The following DISC1 variants were observed in gnomAD, a reference collection of about 807,000 sequenced individuals.
The protein encoded by DISC1 is disrupted in schizophrenia 1 protein.
DISC1 carries 57 observed loss-of-function variants against 84.5 expected under a neutral mutation model. The observed-to-expected ratio is 0.67, with a 90% CI of 0.55 to 0.84. The LOEUF (loss-of-function observed/expected upper bound fraction) is 0.84, where lower values mean the gene tolerates loss of function less well. Ranked by LOEUF, DISC1 falls within the 40% of genes least tolerant of loss-of-function variation. The pLI is 0.00. For missense variants in DISC1, 1,000 were observed against 1,057.8 expected (o/e 0.95, Z 0.76); for synonymous variants, 411 against 415.2 (o/e 0.99, Z 0.12).
At chr1:231,912,895 TTCTG>T in intron 9 of DISC1, among the ~76,000 whole-genome samples, 1 of 150,656 alleles carries the variant, frequency 6.6e-6, no homozygotes, top group East Asian at 2.0e-4. Context: ...CCACCCCCGT[TTCTG>T]TCTTTCTTCC....
chr1:232,037,030 G>C lies in DISC1; in HGVS notation c.*199G>C. The stretch of plus-strand genomic sequence containing the variant: ...CTGCAATTTGGAATATGGAGAGAGA[G>C]ACTGATTTGCTGAATTTCCTTCTAA... On this transcript the variant is annotated 3_prime_UTR_variant, in exon 13 of 13. Coordinates refer to ENST00000439617, the MANE Select transcript of DISC1 (RefSeq NM_018662.3). 2.1e-6 allele frequency: 1 copy of C among 467,390 alleles called. No individual in the cohort carries two copies. The highest frequency in any genetic ancestry group is 3.8e-5 in the East Asian group (1 of 26,636). 29.0% of individuals were successfully genotyped at this position (467,390 alleles called of 1,614,324 possible). A position where few individuals can be genotyped will look rare whatever the true frequency, so the allele number is the denominator to read the frequency against.
intron 11 of DISC1, among the ~76,000 whole-genome samples, chr1:232,018,501 T>C (rs1198303473): frequency 6.6e-6 from 1 of 152,236 alleles, no homozygotes; most frequent in African/African-American, 2.4e-5. Context: ...AAAATGTTTT[T>C]TGAAAGTCAC....
intron 9 of DISC1, among the ~76,000 whole-genome samples, chr1:231,880,761 G>A (rs1016619936): frequency 3.9e-5 from 6 of 152,060 alleles, no homozygotes; most frequent in African/African-American, 1.2e-4. Flanking sequence ...CAAGGTGGGG[G>A]GGGGGTGAAA....
chr1:231,803,901 C>A (rs982282365), intron 8 of DISC1, among the ~76,000 whole-genome samples: 3 of 121,122 alleles, frequency 2.5e-5, no homozygotes, highest in Non-Finnish European at 4.8e-5. Context: ...GAGCCCATAT[C>A]GCGCCACTAC....
At chr1:231,780,096 G>A (rs1386659315) in intron 6 of DISC1, among the ~76,000 whole-genome samples, 1 of 151,864 alleles carries the variant, frequency 6.6e-6, no homozygotes, top group Non-Finnish European at 1.5e-5. Flanking sequence ...GTGGGCTGGG[G>A]GGAGGGGCGA....
At chr1:231,732,734 A>G (rs189965224) in intron 3 of DISC1, among the ~76,000 whole-genome samples, 16 of 152,368 alleles carry the variant, frequency 1.1e-4, no homozygotes, top group Admixed American at 9.8e-4. Flanking sequence ...CAATGCATAT[A>G]TCTTAATAAA....
chr1:231,660,486 A>G (rs2061486573), intron 1 of DISC1, among the ~76,000 whole-genome samples: 1 of 151,818 alleles, frequency 6.6e-6, no homozygotes, highest in Non-Finnish European at 1.5e-5. Context: ...TATATTTTAT[A>G]TTTTTTGAGA....
At chr1:231,820,076 A>T (rs1042770694) in intron 9 of DISC1, among the ~76,000 whole-genome samples, 6 of 152,214 alleles carry the variant, frequency 3.9e-5, no homozygotes, top group African/African-American at 1.4e-4. Flanking sequence ...CAGATGGCTC[A>T]TTACTGTTGT....
At chr1:231,724,236 G>A (rs535200231) in intron 3 of DISC1, among the ~76,000 whole-genome samples, 4 of 152,144 alleles carry the variant, frequency 2.6e-5, no homozygotes, top group Non-Finnish European at 5.9e-5. Flanking sequence ...GGCCCTGCCT[G>A]CCTGCGTGGG....
chr1:231,762,239 TTTTCTTTTCTTTTC>T (rs2075782400), intron 4 of DISC1, among the ~76,000 whole-genome samples: 1 of 41,436 alleles, frequency 2.4e-5, no homozygotes, highest in South Asian at 1.0e-3. Context: ...TTTTCTTTTC[TTTTCTTTTCTTTTC>T]TTTATTTTCT....
intron 10 of DISC1, among the ~76,000 whole-genome samples, chr1:231,995,317 C>A (rs1413944468): frequency 6.6e-6 from 1 of 151,594 alleles, no homozygotes; most frequent in East Asian, 1.9e-4. Flanking sequence ...TGGTTATTTT[C>A]TTTTTTTCTT....
At chr1:231,886,866 C>CT (rs869259991) in intron 9 of DISC1, among the ~76,000 whole-genome samples, 3 of 5,780 alleles carry the variant, frequency 5.2e-4, no homozygotes, top group Admixed American at 2.4e-3. Flanking sequence ...CTTTTCTTTC[C>CT]TTTTTTTTTT....
rs947721913 is a variant in DISC1, at chr1:231,800,095, T to C, written c.1690-13T>C. The C allele has an allele frequency of 1.9e-6, 3 of 1,597,656 alleles. No individual in the cohort carries two copies. Among genetic ancestry groups the C allele is most frequent in the Non-Finnish European group, 2.6e-6 (3 of 1,167,572 alleles). ...GAATAAATGATGATTCCTGGTCATT[T>C]CTCTCCCCCTAGGTGTGTATGAGTG... On this transcript the variant is annotated splice_polypyrimidine_tract_variant and intron_variant, in intron 7 of 12. Coordinates refer to ENST00000439617, the MANE Select transcript of DISC1 (RefSeq NM_018662.3).
At chr1:231,762,431 C>T (rs565152882) in intron 4 of DISC1, among the ~76,000 whole-genome samples, 42 of 151,448 alleles carry the variant, frequency 2.8e-4, no homozygotes, top group Non-Finnish European at 5.3e-4. Flanking sequence ...AACTCCTGGG[C>T]TCAAGTGATC....
intron 1 of DISC1, among the ~76,000 whole-genome samples, chr1:231,658,166 T>G (rs566000931): frequency 6.6e-6 from 1 of 152,320 alleles, no homozygotes; most frequent in African/African-American, 2.4e-5. Context: ...TGAGCAATGG[T>G]TTGTAGTTCT....
At chr1:231,933,675 A>G (rs1025409499) in intron 9 of DISC1, among the ~76,000 whole-genome samples, 17 of 152,224 alleles carry the variant, frequency 1.1e-4, no homozygotes, top group African/African-American at 4.1e-4. Flanking sequence ...TCCAGAAAAA[A>G]AATTTTCCAA....
chr1:231,959,493 G>A, intron 10 of DISC1: 1 of 985,492 alleles, frequency 1.0e-6, no homozygotes, highest in Non-Finnish European at 1.2e-6. Context: ...TACTAGAGTG[G>A]AATATGCGCT....
At chr1:231,799,515 A>G (rs1388491091) in intron 7 of DISC1, among the ~76,000 whole-genome samples, 1 of 151,946 alleles carries the variant, frequency 6.6e-6, no homozygotes, top group East Asian at 2.0e-4. Context: ...AAGAACATCA[A>G]GCGGAGGGAG....
At chr1:231,833,250 C>T (rs945434830) in intron 9 of DISC1, among the ~76,000 whole-genome samples, 32 of 150,956 alleles carry the variant, frequency 2.1e-4, no homozygotes, top group African/African-American at 7.9e-4. Flanking sequence ...AAGTTGGCAC[C>T]AGAGTTGGGG....
Sources: allele counts gnomAD v4.1 joint callset (sites outside exome capture counted in the v4.1 genomes callset), GRCh38; gene constraint gnomAD v4.1.1; transcripts MANE v1.5; gene names NCBI Gene and HGNC (gene_info 2026-07-23, HGNC 2026-07-21).